Variants in KCTD16 observed in about 807,000 individuals in gnomAD.
The protein encoded by KCTD16 is BTB/POZ domain-containing protein KCTD16.
Under a neutral mutation model 33.2 loss-of-function variants are expected in KCTD16, and 13 were observed. The observed-to-expected ratio is 0.39, with a 90% CI of 0.25 to 0.62. The LOEUF is 0.62. KCTD16 is among the 20% of genes least tolerant of loss of function. KCTD16 has a pLI of 0.50. For missense variants in KCTD16, 441 were observed against 525.1 expected (o/e 0.84, Z 1.57); for synonymous variants, 197 against 195.3 (o/e 1.01, Z -0.07).
intron 2 of KCTD16, among the ~76,000 whole-genome samples, chr5:144,191,790 G>A (rs79531954): frequency 0.17 from 25,273 of 151,138 alleles, 2,295 homozygotes; most frequent in Admixed American, 0.26. Context: ...GAGTGTTTGC[G>A]GCAGTGCTTC....
chr5:144,425,615 G>T (rs186254003), intron 3 of KCTD16, among the ~76,000 whole-genome samples: 1 of 152,160 alleles, frequency 6.6e-6, no homozygotes, highest in Admixed American at 6.5e-5. Flanking sequence ...TAAGACTGAA[G>T]AATTAGCACC....
chr5:144,434,811 T>C (rs944681701), intron 3 of KCTD16, among the ~76,000 whole-genome samples: 2 of 152,156 alleles, frequency 1.3e-5, no homozygotes, highest in African/African-American at 2.4e-5. Context: ...GTAGCGCAAA[T>C]ACAATTGTGA....
intron 3 of KCTD16, among the ~76,000 whole-genome samples, chr5:144,338,709 G>A (rs955503088): frequency 6.6e-6 from 1 of 152,154 alleles, no homozygotes; most frequent in Non-Finnish European, 1.5e-5. Context: ...GCAGGTATAT[G>A]GAGAACATGG....
At chr5:144,187,433 C>T (rs1752750157) in intron 2 of KCTD16, among the ~76,000 whole-genome samples, 1 of 152,048 alleles carries the variant, frequency 6.6e-6, no homozygotes, top group African/African-American at 2.4e-5. Context: ...TTCACACACA[C>T]ACACACACAC....
chr5:144,264,476 G>T (rs1489959296), intron 3 of KCTD16, among the ~76,000 whole-genome samples: 2 of 152,150 alleles, frequency 1.3e-5, no homozygotes, highest in East Asian at 3.8e-4. Context: ...GAACAGGTCA[G>T]GAGCTGTGAT....
At chr5:144,190,506 A>G (rs1201492188) in intron 2 of KCTD16, among the ~76,000 whole-genome samples, 1 of 152,226 alleles carries the variant, frequency 6.6e-6, no homozygotes, top group East Asian at 1.9e-4. Flanking sequence ...ACAGTCATGT[A>G]GTAGTGATTC....
intron 3 of KCTD16, among the ~76,000 whole-genome samples, chr5:144,322,665 T>C (rs1344915987): frequency 6.6e-6 from 1 of 151,980 alleles, no homozygotes; most frequent in African/African-American, 2.4e-5. Flanking sequence ...ATATTCTATA[T>C]TTTGCTTAAG....
At chr5:144,336,329 C>CGGAG (rs1197849381) in intron 3 of KCTD16, among the ~76,000 whole-genome samples, 1 of 152,196 alleles carries the variant, frequency 6.6e-6, no homozygotes, top group African/African-American at 2.4e-5. Context: ...GCCTGAACTC[C>CGGAG]AGTCCACAAT....
chr5:144,258,073 A>C (rs531743012), intron 3 of KCTD16, among the ~76,000 whole-genome samples: 6 of 152,306 alleles, frequency 3.9e-5, no homozygotes, highest in African/African-American at 4.8e-5. Flanking sequence ...TGTATGCATC[A>C]ATAGAATGTG....
At chr5:144,186,351 T>TA (rs1561522368) in intron 2 of KCTD16, among the ~76,000 whole-genome samples, 22 of 121,822 alleles carry the variant, frequency 1.8e-4, no homozygotes, top group African/African-American at 4.8e-4. Context: ...CTCATTTTTT[T>TA]TAAAAAAAAA....
intron 3 of KCTD16, among the ~76,000 whole-genome samples, chr5:144,392,885 G>A (rs567385812): frequency 6.6e-5 from 10 of 152,188 alleles, no homozygotes; most frequent in South Asian, 6.2e-4. Flanking sequence ...CAGTTCCTCC[G>A]CTGGCCAGCA....
chr5:144,209,500 C>T (rs1753297956), intron 3 of KCTD16, among the ~76,000 whole-genome samples: 1 of 152,050 alleles, frequency 6.6e-6, no homozygotes, highest in South Asian at 2.1e-4. Flanking sequence ...TGATATACTT[C>T]CCCTTTGTAC....
intron 3 of KCTD16, among the ~76,000 whole-genome samples, chr5:144,212,554 T>G (rs964480829): frequency 3.9e-5 from 6 of 152,118 alleles, no homozygotes; most frequent in Non-Finnish European, 5.9e-5. Flanking sequence ...AAATTAGAAA[T>G]GGAAGTAGCT....
chr5:144,221,296 C>G (rs1753740722), intron 3 of KCTD16, among the ~76,000 whole-genome samples: 1 of 152,130 alleles, frequency 6.6e-6, no homozygotes, highest in Non-Finnish European at 1.5e-5. Flanking sequence ...ACTTTAAGTT[C>G]TGGGATACAT....
At chr5:144,466,082 T>C (rs992194164) in intron 3 of KCTD16, among the ~76,000 whole-genome samples, 2 of 152,036 alleles carry the variant, frequency 1.3e-5, no homozygotes, top group Non-Finnish European at 2.9e-5. Flanking sequence ...CAGGTGATCC[T>C]CCTGCCTTGG....
intron 3 of KCTD16, among the ~76,000 whole-genome samples, chr5:144,401,479 C>T (rs186381773): frequency 1.4e-4 from 21 of 152,198 alleles, no homozygotes; most frequent in African/African-American, 4.3e-4. Context: ...AAAGACATAC[C>T]AATCATGCTT....
intron 3 of KCTD16, among the ~76,000 whole-genome samples, chr5:144,287,338 T>G (rs1414835360): frequency 5.2e-5 from 5 of 96,088 alleles, no homozygotes; most frequent in Non-Finnish European, 2.7e-5. Flanking sequence ...GTTCAAATGC[T>G]GCTGTGGATT....
At chr5:144,393,041 C>A (rs546444109) in intron 3 of KCTD16, among the ~76,000 whole-genome samples, 9 of 152,116 alleles carry the variant, frequency 5.9e-5, no homozygotes, top group Non-Finnish European at 1.2e-4. Flanking sequence ...AAATAAACTC[C>A]ATTTTTACAC....
intron 3 of KCTD16, among the ~76,000 whole-genome samples, chr5:144,334,341 A>G (rs1251010682): frequency 6.6e-6 from 1 of 152,146 alleles, no homozygotes; most frequent in Non-Finnish European, 1.5e-5. Flanking sequence ...GATCTTGACC[A>G]ATCACTTGAC....
Sources: gnomAD v4.1 joint callset for allele counts (sites outside exome capture counted in the v4.1 genomes callset) on GRCh38, gnomAD v4.1.1 for gene constraint, MANE v1.5 for transcripts, NCBI Gene and HGNC (gene_info 2026-07-23, HGNC 2026-07-21) for gene names.